Variants in TLL1 observed in about 807,000 individuals in gnomAD.
TLL1 encodes the protein tolloid like 1, also known as tolloid-like protein 1.
In TLL1, 49 loss-of-function variants were observed where a neutral mutation model predicts 128.2. That is an observed-to-expected ratio of 0.38 (90% CI 0.30 to 0.48). The LOEUF is 0.48. TLL1 is among the 20% of genes least tolerant of loss of function. The probability of loss-of-function intolerance (pLI) is 0.96; values close to 1 mark genes in which losing one functional copy is unlikely to be tolerated. For missense variants in TLL1, 1,123 were observed against 1,242.0 expected (o/e 0.90, Z 1.44); for synonymous variants, 454 against 418.8 (o/e 1.08, Z -1.03).
At position 166,043,354 on chromosome 4, in the gene TLL1, G is replaced by A; in HGVS notation, c.1459G>A (p.Glu487Lys). 2 of 1,614,140 alleles carry A rather than the reference G, an allele frequency of 1.2e-6. No homozygotes were observed. The highest frequency in any genetic ancestry group is 8.5e-7 in the Non-Finnish European group (1 of 1,180,006). The change falls in exon 12 of 21, where the codon GAA becomes AAA. Residue 487 changes from glutamate to lysine, a missense_variant. This residue lies in a region of TLL1 where 634 missense variants were observed against 672.4 expected (regional missense o/e 0.94). Transcript: ENST00000061240. ...TCCTGATGACTATCGCCCGATGAAA[G>A]AATGTGTGTGGAAAATAACAGTGTC... The part of the protein sequence containing the change: ...NYPDDYRPMK[E>K]CVWKITVSES...
At chr4:166,006,548 T>C (rs1353028590) in intron 6 of TLL1, among the ~76,000 whole-genome samples, 2 of 151,808 alleles carry the variant, frequency 1.3e-5, no homozygotes, top group Non-Finnish European at 3.0e-5. Context: ...ATTAGATCCA[T>C]AGCTTTTTGA....
At chr4:166,007,853 A>C (rs1737510306) in intron 6 of TLL1, 90 bp from the exon 7 acceptor site, 3 of 827,980 alleles carry the variant, frequency 3.6e-6, no homozygotes, top group Non-Finnish European at 6.4e-6. Context: ...GTCATTTCAC[A>C]AAGAACAGAT....
chr4:166,051,388 C>T (rs1045401169), intron 12 of TLL1, among the ~76,000 whole-genome samples: 8 of 147,804 alleles, frequency 5.4e-5, no homozygotes, highest in Middle Eastern at 3.4e-3. Flanking sequence ...TATAAATCAT[C>T]GCCTTTGGTG....
intron 1 of TLL1, among the ~76,000 whole-genome samples, chr4:165,932,964 G>T (rs1733596609): frequency 2.0e-5 from 3 of 152,144 alleles, no homozygotes; most frequent in Non-Finnish European, 4.4e-5. Flanking sequence ...TGTTACCGGG[G>T]TACATTTACA....
intron 9 of TLL1, among the ~76,000 whole-genome samples, chr4:166,026,789 T>G (rs1738517823): frequency 6.6e-6 from 1 of 152,088 alleles, no homozygotes; most frequent in South Asian, 2.1e-4. Context: ...ATCTAACATT[T>G]GGGAAAAAAA....
intron 1 of TLL1, among the ~76,000 whole-genome samples, chr4:165,973,374 A>G: frequency 6.6e-6 from 1 of 151,856 alleles, no homozygotes; most frequent in East Asian, 2.0e-4. Context: ...GGATGGTGCT[A>G]TCAAATAAAT....
intron 1 of TLL1, among the ~76,000 whole-genome samples, chr4:165,937,025 TC>T (rs1248585787): frequency 6.6e-6 from 1 of 152,190 alleles, no homozygotes; most frequent in African/African-American, 2.4e-5. Context: ...AATATCATTA[TC>T]TTGAGTATCA....
chr4:166,021,892 C>T (rs913775653), intron 8 of TLL1, among the ~76,000 whole-genome samples: 5 of 152,110 alleles, frequency 3.3e-5, no homozygotes, highest in African/African-American at 4.8e-5. Context: ...GGGCTGCATA[C>T]TGAATGAGAA....
chr4:166,056,555 T>G (rs992293265), intron 13 of TLL1, among the ~76,000 whole-genome samples: 2 of 152,168 alleles, frequency 1.3e-5, no homozygotes, highest in South Asian at 2.1e-4. Flanking sequence ...GTTTTATACC[T>G]TTTAATTTAT....
chr4:166,091,573 T>C (rs1411728283), intron 19 of TLL1, among the ~76,000 whole-genome samples: 1 of 152,116 alleles, frequency 6.6e-6, no homozygotes, highest in East Asian at 1.9e-4. Flanking sequence ...ATCAGTGCAG[T>C]TTGTTTAAGT....
At chr4:165,876,376 G>A (rs1204683333) in intron 1 of TLL1, among the ~76,000 whole-genome samples, 1 of 152,112 alleles carries the variant, frequency 6.6e-6, no homozygotes, top group Non-Finnish European at 1.5e-5. Context: ...GATGGGGACG[G>A]GTCTGTGAAA....
At chr4:165,954,379 G>A (rs368311109) in intron 1 of TLL1, among the ~76,000 whole-genome samples, 1 of 152,056 alleles carries the variant, frequency 6.6e-6, no homozygotes, top group East Asian at 1.9e-4. Flanking sequence ...ATATTGATGG[G>A]CTTATAAAAA....
intron 13 of TLL1, among the ~76,000 whole-genome samples, chr4:166,056,016 T>G (rs1486905348): frequency 6.6e-6 from 1 of 152,084 alleles, no homozygotes; most frequent in East Asian, 1.9e-4. Context: ...TTGCAAAACT[T>G]AGAGTGATAG....
chr4:166,046,441 C>T (rs1025704225), intron 12 of TLL1, among the ~76,000 whole-genome samples: 16 of 152,094 alleles, frequency 1.1e-4, no homozygotes, highest in Non-Finnish European at 2.1e-4. Context: ...GAGTTTATGC[C>T]GCTAACCTAG....
chr4:165,974,549 T>A (rs1316946473), intron 1 of TLL1, among the ~76,000 whole-genome samples: 1 of 152,204 alleles, frequency 6.6e-6, no homozygotes. Flanking sequence ...TCATTAATTG[T>A]GACCAATCTT....
intron 5 of TLL1, among the ~76,000 whole-genome samples, chr4:166,002,434 G>A (rs573676321): frequency 1.2e-3 from 180 of 152,020 alleles, no homozygotes; most frequent in Non-Finnish European, 2.0e-3. Context: ...TGAAAATAAT[G>A]TTCTTTCCTT....
rs375582659 is a variant in TLL1 at position 165,916,737 on chromosome 4, T to C, written c.169+42664T>C. ...AAAGTGATGCTCAGGGAGAATATGATCAAATCATTGGCAGAATAAGATCTA... is the reference window on the plus strand; with the variant it reads ...AAAGTGATGCTCAGGGAGAATATGACCAAATCATTGGCAGAATAAGATCTA... On this transcript the variant is annotated intron_variant, in intron 1 of 20. Coordinates refer to ENST00000061240, the MANE Select transcript of TLL1 (RefSeq NM_012464.5). 2.0e-5 allele frequency among the ~76,000 whole-genome samples: 3 copies of C among 152,256 alleles called. No individual in the cohort carries two copies. The South Asian group carries it at 6.2e-4, about 32-fold the overall frequency.
At chr4:165,932,919 AAT>A (rs1561037211) in intron 1 of TLL1, among the ~76,000 whole-genome samples, 1 of 152,184 alleles carries the variant, frequency 6.6e-6, no homozygotes, top group Non-Finnish European at 1.5e-5. Context: ...AGTTGGATAT[AAT>A]ACCACTCTCA....
chr4:166,056,340 A>G (rs1249257152), intron 13 of TLL1, among the ~76,000 whole-genome samples: 1 of 151,904 alleles, frequency 6.6e-6, no homozygotes, highest in Non-Finnish European at 1.5e-5. Context: ...TTATTCCTGA[A>G]GAGTGAGATT....
Sources: gnomAD v4.1 joint callset for allele counts (sites outside exome capture counted in the v4.1 genomes callset) on GRCh38, gnomAD v4.1.1 for gene constraint, gnomAD v4.1.1 regional missense constraint, MANE v1.5 for transcripts, NCBI Gene and HGNC (gene_info 2026-07-23, HGNC 2026-07-21) for gene names.